UGT1A10: variants seen among roughly 807,000 people sequenced by gnomAD.
UGT1A10 encodes UDP glucuronosyltransferase family 1 member A10.
In UGT1A10, 49 loss-of-function variants were observed where a neutral mutation model predicts 45.8. That is an observed-to-expected ratio of 1.07 (90% CI 0.85 to 1.36). The LOEUF is 1.36. UGT1A10 is among the 40% of genes most tolerant of loss of function. The pLI is 0.00. For synonymous variants in UGT1A10, 284 were observed against 249.7 expected, an observed-to-expected ratio of 1.14 and a Z score of -1.29; for missense variants, 745 against 668.6, an observed-to-expected ratio of 1.11 and a Z score of -1.26.
chr2:233,647,916 A>G lies in UGT1A10; in HGVS notation c.855+10539A>G, dbSNP rs2073643466. ...ACTGAAGTTAGCCTCCAGGGAAGGTAGATCACTCACTGCCCATGGATGGGA... is the reference window on the plus strand; with the variant it reads ...ACTGAAGTTAGCCTCCAGGGAAGGTGGATCACTCACTGCCCATGGATGGGA... On this transcript the variant is annotated intron_variant, in intron 1 of 4. Coordinates refer to ENST00000344644, the MANE Select transcript of UGT1A10 (RefSeq NM_019075.4). 3 of 1,594,458 alleles carry G rather than the reference A, an allele frequency of 1.9e-6. 1 individual carries two copies. In the East Asian group the frequency reaches 6.7e-5, roughly 36 times the overall value.
intron 1 of UGT1A10, among the ~76,000 whole-genome samples, chr2:233,757,535 A>AATATATATACATATACATATATAC (rs376887521): frequency 2.4e-4 from 21 of 88,296 alleles, no homozygotes; most frequent in African/African-American, 1.1e-3. Context: ...GCCTGTAAGG[A>AATATATATACATATACATATATAC]ATATATATAT....
intron 1 of UGT1A10, among the ~76,000 whole-genome samples, chr2:233,642,017 A>C (rs1390190385): frequency 6.6e-6 from 1 of 152,172 alleles, no homozygotes; most frequent in Admixed American, 6.5e-5. Flanking sequence ...GGTGTTCTCT[A>C]GCCTTCTCAT....
chr2:233,686,346 G>A (rs1485949049), intron 1 of UGT1A10, among the ~76,000 whole-genome samples: 1 of 151,914 alleles, frequency 6.6e-6, no homozygotes, highest in Non-Finnish European at 1.5e-5. Context: ...AAAAGCTTTT[G>A]TATATCAAAG....
chr2:233,681,809 G>T lies in UGT1A10; in HGVS notation c.855+44432G>T. 6 of 1,495,810 alleles carry T rather than the reference G, an allele frequency of 4.0e-6. 1 individual carries two copies. The Middle Eastern group carries it at 1.1e-3, about 286-fold the overall frequency. 92.7% of individuals were successfully genotyped at this position (1,495,810 alleles called of 1,614,324 possible). On this transcript the variant is annotated intron_variant, in intron 1 of 4. Transcript: ENST00000344644. ...TGAGTAAATCATTGGCAGTGAATGT[G>T]AATTTTTTTTTAAATGAATGAATAA...
intron 1 of UGT1A10, among the ~76,000 whole-genome samples, chr2:233,698,442 C>G (rs2075441449): frequency 1.3e-5 from 2 of 152,140 alleles, no homozygotes; most frequent in African/African-American, 4.8e-5. Flanking sequence ...GAAGATATAT[C>G]ACAGATCATA....
chr2:233,707,721 T>C (rs2075983145), intron 1 of UGT1A10, among the ~76,000 whole-genome samples: 1 of 152,222 alleles, frequency 6.6e-6, no homozygotes, highest in Non-Finnish European at 1.5e-5. Context: ...CTGTGAACAA[T>C]GTTACAACGA....
rs1699786831 is a variant in UGT1A10 at position 233,769,072 on chromosome 2, T to C, written c.1295+633T>C. ...AAGTTTCCTGCACAGAAAGAAATACTCCATTATAAGAAGCATAGTATCTTT... is the reference window on the plus strand; with the variant it reads ...AAGTTTCCTGCACAGAAAGAAATACCCCATTATAAGAAGCATAGTATCTTT... On this transcript the variant is annotated intron_variant, in intron 4 of 4. Coordinates refer to ENST00000344644, the MANE Select transcript of UGT1A10 (RefSeq NM_019075.4). This position sits in a 1 kb window ranked among gnomAD's most constrained non-coding sequence, Gnocchi z 4.4. 6.6e-6 allele frequency among the ~76,000 whole-genome samples: 1 copy of C among 152,150 alleles called. No homozygotes were observed. Among genetic ancestry groups the C allele is most frequent in the Admixed American group, 6.5e-5 (1 of 15,270 alleles).
intron 1 of UGT1A10, chr2:233,755,182 A>C (rs1337694117): frequency 1.7e-5 from 20 of 1,204,654 alleles, no homozygotes; most frequent in Non-Finnish European, 1.7e-5. Context: ...TCGGGGTGCC[A>C]CTTGAGCGCC....
chr2:233,713,722 C>G lies in UGT1A10; in HGVS notation c.856-53312C>G, dbSNP rs549143838. 2.4e-5 allele frequency: 39 copies of G among 1,613,948 alleles called. No individual in the cohort carries two copies. In the South Asian group the frequency reaches 4.2e-4, roughly 17 times the overall value. On this transcript the variant is annotated intron_variant, in intron 1 of 4. Transcript: ENST00000344644. Reference sequence around the variant, plus strand: ...TCTGAGCTTTTTCAGAGAGAGGTGTCAGTGGTGGATCTTGTCAGCCATGCA... The same window carrying G: ...TCTGAGCTTTTTCAGAGAGAGGTGTGAGTGGTGGATCTTGTCAGCCATGCA...
intron 1 of UGT1A10, among the ~76,000 whole-genome samples, chr2:233,716,034 G>A (rs1575511735): frequency 6.6e-6 from 1 of 152,264 alleles, no homozygotes; most frequent in Non-Finnish European, 1.5e-5. Context: ...TTTGATGTCA[G>A]CATTCTGATT....
At chr2:233,693,601 T>A (rs777955956) in intron 1 of UGT1A10, 17 of 1,614,056 alleles carry the variant, frequency 1.1e-5, no homozygotes, top group Non-Finnish European at 1.2e-5. Flanking sequence ...ACACAAAGTT[T>A]TCAGACCACA....
chr2:233,679,059 T>G (rs1055424061), intron 1 of UGT1A10, among the ~76,000 whole-genome samples: 2 of 152,218 alleles, frequency 1.3e-5, no homozygotes, highest in Non-Finnish European at 1.5e-5. Context: ...CCAGATTCTC[T>G]TCCATAGTAT....
intron 1 of UGT1A10, among the ~76,000 whole-genome samples, chr2:233,676,925 G>A (rs28970011): frequency 0.017 from 2,534 of 152,096 alleles, 88 homozygotes; most frequent in African/African-American, 0.058. Flanking sequence ...ATTCTGTTCT[G>A]TTGATCTATT....
chr2:233,689,509 A>T (rs1001968532), intron 1 of UGT1A10, among the ~76,000 whole-genome samples: 2 of 152,238 alleles, frequency 1.3e-5, no homozygotes, highest in African/African-American at 4.8e-5. Flanking sequence ...CAGAGGTTAC[A>T]CATTGGTTTG....
chr2:233,729,473 T>G, intron 1 of UGT1A10: 1 of 1,614,206 alleles, frequency 6.2e-7, no homozygotes, highest in Non-Finnish European at 8.5e-7. Flanking sequence ...AGTATGGCAA[T>G]GTTGAACAAT....
intron 1 of UGT1A10, among the ~76,000 whole-genome samples, chr2:233,642,447 C>A (rs2073476254): frequency 6.6e-6 from 1 of 152,172 alleles, no homozygotes; most frequent in African/African-American, 2.4e-5. Context: ...CTTTGAGTTT[C>A]CTCAACACAG....
chr2:233,718,509 G>A (rs776286738), intron 1 of UGT1A10, among the ~76,000 whole-genome samples: 2 of 152,224 alleles, frequency 1.3e-5, no homozygotes, highest in Non-Finnish European at 2.9e-5. Flanking sequence ...GCAGTGACAT[G>A]AAATGGGTGT....
intron 1 of UGT1A10, among the ~76,000 whole-genome samples, chr2:233,663,746 C>A (rs980498376): frequency 2.6e-5 from 4 of 152,084 alleles, no homozygotes; most frequent in Admixed American, 1.3e-4. Flanking sequence ...CAGTCTATGT[C>A]CAGGAATGAA....
intron 1 of UGT1A10, among the ~76,000 whole-genome samples, chr2:233,730,803 T>C (rs2078076377): frequency 6.6e-6 from 1 of 152,164 alleles, no homozygotes; most frequent in South Asian, 2.1e-4. Context: ...TGAATGGACA[T>C]GCGTCCAAGA....
Sources: gnomAD v4.1 joint callset for allele counts (sites outside exome capture counted in the v4.1 genomes callset) on GRCh38, gnomAD v4.1.1 for gene constraint, Gnocchi (gnomAD v3.1) non-coding constraint, MANE v1.5 for transcripts, NCBI Gene and HGNC (gene_info 2026-07-23, HGNC 2026-07-21) for gene names.